PCDH15: variants seen among roughly 807,000 people sequenced by gnomAD.
PCDH15 encodes the protein protocadherin related 15.
PCDH15 carries 129 observed loss-of-function variants against 178.5 expected under a neutral mutation model. That is an observed-to-expected ratio of 0.72 (90% CI 0.63 to 0.84). The LOEUF is 0.84. Among genes scored for constraint, PCDH15 ranks in the 40% least tolerant of loss-of-function variants. The probability of loss-of-function intolerance (pLI) is 0.00; values close to 1 mark genes in which losing one functional copy is unlikely to be tolerated. For synonymous variants in PCDH15, 800 were observed against 732.0 expected (o/e 1.09, Z -1.50); for missense variants, 2,230 against 2,099.9 (o/e 1.06, Z -1.21).
chr10:54,206,846 A>G (rs576097890), intron 10 of PCDH15, among the ~76,000 whole-genome samples: 2 of 152,200 alleles, frequency 1.3e-5, no homozygotes, highest in East Asian at 3.9e-4. Flanking sequence ...ACTCGGGAAC[A>G]TATGTGATAG....
At chr10:54,352,392 A>G (rs1053913841) in intron 5 of PCDH15, among the ~76,000 whole-genome samples, 1 of 152,174 alleles carries the variant, frequency 6.6e-6, no homozygotes, top group Non-Finnish European at 1.5e-5. Flanking sequence ...GCCCCCAAAA[A>G]GAGCCACCCT....
At chr10:53,853,514 C>T (rs772892674) in intron 28 of PCDH15, among the ~76,000 whole-genome samples, 2 of 152,026 alleles carry the variant, frequency 1.3e-5, no homozygotes, top group African/African-American at 2.4e-5. Flanking sequence ...ATTTGCAAAT[C>T]TTACATCTGA....
chr10:53,927,033 A>G (rs2084620999), intron 25 of PCDH15, among the ~76,000 whole-genome samples: 1 of 152,180 alleles, frequency 6.6e-6, no homozygotes, highest in Non-Finnish European at 1.5e-5. Context: ...CATGTGACAA[A>G]AAAACAGAAT....
At chr10:54,607,821 G>A (rs2134190432) in intron 2 of PCDH15, 1 of 522,862 alleles carries the variant, frequency 1.9e-6, no homozygotes, top group Admixed American at 2.0e-5. Context: ...ATGATGGTAA[G>A]GAAGAGATAT....
chr10:54,104,755 T>G (rs1412290794), intron 15 of PCDH15, among the ~76,000 whole-genome samples: 1 of 144,952 alleles, frequency 6.9e-6, no homozygotes, highest in Non-Finnish European at 1.5e-5. Context: ...GAGAACGGCA[T>G]GAACCCAGGA....
chr10:54,245,900 G>T (rs185050774), intron 8 of PCDH15, among the ~76,000 whole-genome samples: 238 of 151,942 alleles, frequency 1.6e-3, no homozygotes, highest in Non-Finnish European at 2.4e-3. Flanking sequence ...CTTTTTAAAA[G>T]AATAAATTTC....
rs749611542 is a variant in PCDH15, at chr10:55,016,060, T to C, written c.-79-118560A>G. On this transcript the variant is annotated intron_variant, in intron 2 of 5. Transcript: ENST00000458638. ...AGTTCTCAGCAGGCTTGAGTTGTAA[T>C]TGACCAAATTTTAACCACCTCAATG... is the stretch of plus-strand genomic sequence containing the variant. Among the ~76,000 whole-genome samples, 12 of 148,008 alleles carry C rather than the reference T, an allele frequency of 8.1e-5. No individual in the cohort carries two copies. In the Middle Eastern group the frequency reaches 0.011, roughly 133 times the overall value.
Position 55,256,592 on chromosome 10 carries a change from C to A in PCDH15, c.-156+63007G>T, listed in dbSNP as rs1033336542. ...AGGAGATTATAACCCGCACCTGGCT[C>A]GGAGGGTCCCATGCCCATGAAGCCT... On this transcript the variant is annotated intron_variant, in intron 1 of 5. Transcript: ENST00000458638. Among the ~76,000 whole-genome samples the A allele has an allele frequency of 1.3e-5, 2 of 152,276 alleles. 1 individual carries two copies. The highest frequency in any genetic ancestry group is 4.2e-4 in the South Asian group (2 of 4,814).
At chr10:53,982,587 G>T (rs193052087) in intron 21 of PCDH15, among the ~76,000 whole-genome samples, 2 of 148,024 alleles carry the variant, frequency 1.4e-5, no homozygotes, top group African/African-American at 5.0e-5. Context: ...ACCAAACACC[G>T]CATGTTCTCA....
intron 20 of PCDH15, among the ~76,000 whole-genome samples, chr10:54,016,975 T>A (rs1220746496): frequency 6.6e-6 from 1 of 152,220 alleles, no homozygotes. Context: ...ATTAAAATAA[T>A]AATATGTTTT....
At chr10:54,392,082 T>G (rs1476980781) in intron 3 of PCDH15, among the ~76,000 whole-genome samples, 2 of 152,162 alleles carry the variant, frequency 1.3e-5, no homozygotes, top group Non-Finnish European at 2.9e-5. Context: ...TTATATAATT[T>G]GCTCTATAGT....
chr10:54,042,346 G>A (rs1323210764), intron 18 of PCDH15, among the ~76,000 whole-genome samples: 1 of 152,044 alleles, frequency 6.6e-6, no homozygotes, highest in Non-Finnish European at 1.5e-5. Context: ...ACCTAAATAG[G>A]AATATGCTAT....
At chr10:54,387,290 G>C (rs1243768645) in intron 3 of PCDH15, among the ~76,000 whole-genome samples, 1 of 152,086 alleles carries the variant, frequency 6.6e-6, no homozygotes, top group East Asian at 1.9e-4. Context: ...GTTCCTGGCA[G>C]CATCATTCAC....
chr10:55,566,924 CA>C (rs1296943502), intron 2 of PCDH15, among the ~76,000 whole-genome samples: 1 of 151,686 alleles, frequency 6.6e-6, no homozygotes, highest in Non-Finnish European at 1.5e-5. Context: ...AGCAGAAATA[CA>C]AAAAACTCAT....
chr10:54,515,286 CT>C (rs755632313), intron 3 of PCDH15, among the ~76,000 whole-genome samples: 22 of 152,306 alleles, frequency 1.4e-4, no homozygotes, highest in Non-Finnish European at 2.9e-4. Flanking sequence ...TAATACTGCA[CT>C]TTTCCAACGG....
Position 54,196,289 on chromosome 10 carries a change from C to T in PCDH15, c.1099-400G>A, listed in dbSNP as rs561429001. Among the ~76,000 whole-genome samples, 925 of 152,002 alleles carry T rather than the reference C, an allele frequency of 6.1e-3. 28 individuals carry two copies. The highest frequency in any genetic ancestry group is 0.051 in the Admixed American group (785 of 15,256). Reference sequence around the variant, plus strand: ...TCCCAAGTAGCTGGGACTACAGGCGCCCACCACCACGCATGGCTAATGTTT... The same window carrying T: ...TCCCAAGTAGCTGGGACTACAGGCGTCCACCACCACGCATGGCTAATGTTT... On this transcript the variant is annotated intron_variant, in intron 10 of 37. Transcript: ENST00000644397.
chr10:55,584,532 C>T (rs1159829628), intron 2 of PCDH15, among the ~76,000 whole-genome samples: 1 of 151,524 alleles, frequency 6.6e-6, no homozygotes, highest in Non-Finnish European at 1.5e-5. Flanking sequence ...TGGTGGGTGC[C>T]TGTAGTCCCA....
chr10:53,907,740 C>T (rs11003927), intron 25 of PCDH15, among the ~76,000 whole-genome samples: 15,494 of 152,024 alleles, frequency 0.1, 1,868 homozygotes, highest in African/African-American at 0.28. Flanking sequence ...GAAAATAATA[C>T]TTTTATGTAG....
intron 25 of PCDH15, among the ~76,000 whole-genome samples, chr10:53,924,209 G>A (rs1007576019): frequency 1.3e-5 from 2 of 152,206 alleles, no homozygotes; most frequent in Admixed American, 6.5e-5. Flanking sequence ...AACCGGGGCT[G>A]CATGTGGCGC....
Sources: allele counts gnomAD v4.1 joint callset (sites outside exome capture counted in the v4.1 genomes callset), GRCh38; gene constraint gnomAD v4.1.1; transcripts MANE v1.5; gene names NCBI Gene and HGNC (gene_info 2026-07-23, HGNC 2026-07-21).